The following HTR2B variants were observed in gnomAD, a reference collection of about 807,000 sequenced individuals.
HTR2B encodes the protein 5-hydroxytryptamine receptor 2B.
A neutral mutation model predicts 39.8 loss-of-function variants in HTR2B; 31 were observed. That is an observed-to-expected ratio of 0.78 (90% CI 0.58 to 1.05). HTR2B has a LOEUF of 1.05. Among genes scored for constraint, HTR2B ranks in the 50% least tolerant of loss-of-function variants. The pLI, the probability that HTR2B is intolerant of heterozygous loss-of-function variation, is 0.00. For synonymous variants in HTR2B, 210 were observed against 207.1 expected, an observed-to-expected ratio of 1.01 and a Z score of -0.12; for missense variants, 562 against 578.0, an observed-to-expected ratio of 0.97 and a Z score of 0.28.
intron 3 of HTR2B, 105 bp from the exon 4 acceptor site, chr2:231,109,514 T>C: frequency 1.0e-6 from 1 of 983,624 alleles, no homozygotes; most frequent in Non-Finnish European, 1.6e-6. Flanking sequence ...TGTTGGTGCA[T>C]TATAATTCCT....
Position 231,109,408 on chromosome 2 carries a change from G to A in HTR2B, c.555C>T (p.Gly185=). 1 of 1,613,352 alleles carries A rather than the reference G, an allele frequency of 6.2e-7. No homozygotes were observed. Among genetic ancestry groups the A allele is most frequent in the Non-Finnish European group, 8.5e-7 (1 of 1,179,358 alleles). ...KITVVWLISI[G]IAIPVPIKGI... is the part of the protein sequence containing the mutation. ...CTTTAATAGGGACTGGAATGGCAAT[G>A]CCTAAGGAAGAGGAAAACAAGATAA... The change falls in exon 4 of 4, where the codon GGC becomes GGT. Residue 185 remains glycine, a splice_region_variant and synonymous_variant. Transcript: ENST00000258400.
At chr2:231,122,850 G>C (rs1045259839) in intron 2 of HTR2B, among the ~76,000 whole-genome samples, 5 of 151,988 alleles carry the variant, frequency 3.3e-5, no homozygotes, top group African/African-American at 1.2e-4. Context: ...ATTTCCTTCA[G>C]CAACTAAACA....
intron 3 of HTR2B, among the ~76,000 whole-genome samples, chr2:231,112,758 T>A (rs1224904205): frequency 6.6e-6 from 1 of 152,226 alleles, no homozygotes; most frequent in Non-Finnish European, 1.5e-5. Context: ...CTTTGAGTAT[T>A]ATAGATGAGT....
Position 231,123,467 on chromosome 2 carries a change from C to G in HTR2B, c.298G>C (p.Asp100His). 1 of 1,614,054 alleles carries G rather than the reference C, an allele frequency of 6.2e-7. No homozygotes were observed. Among genetic ancestry groups the G allele is most frequent in the Non-Finnish European group, 8.5e-7 (1 of 1,179,942 alleles). ...ATCACAAACAATCCAACCAGCAAAT[C>G]AGCCACCGCCAAGGACATTAGAAAG... ...NYFLMSLAVA[D>H]LLVGLFVMPI... Residue 100 changes from aspartate (D) to histidine (H), a missense_variant, in exon 2 of 4, where the codon GAT (aspartate) becomes CAT (histidine). Physicochemically the swap from Asp to His is moderately conservative, Grantham distance 81. Coordinates refer to ENST00000258400, the MANE Select transcript of HTR2B (RefSeq NM_000867.5).
intron 2 of HTR2B, among the ~76,000 whole-genome samples, chr2:231,121,162 C>A (rs1410830248): frequency 1.3e-5 from 2 of 152,240 alleles, no homozygotes; most frequent in Admixed American, 6.5e-5. Context: ...AATCTACAAA[C>A]CCCACTATAC....
At chr2:231,117,477 T>C (rs1695382003) in intron 2 of HTR2B, among the ~76,000 whole-genome samples, 1 of 152,118 alleles carries the variant, frequency 6.6e-6, no homozygotes, top group Admixed American at 6.5e-5. Context: ...TAATAGCATT[T>C]CTGTCAATGC....
intron 3 of HTR2B, 50 bp downstream of exon 3, chr2:231,113,679 T>C (rs1251768894): frequency 3.9e-6 from 6 of 1,540,864 alleles, no homozygotes; most frequent in Non-Finnish European, 5.4e-6. Context: ...CCTAGCCAAG[T>C]GGAACCAAAG....
intron 3 of HTR2B, among the ~76,000 whole-genome samples, chr2:231,110,313 C>G (rs530683028): frequency 1.3e-5 from 2 of 152,140 alleles, no homozygotes; most frequent in South Asian, 4.1e-4. Flanking sequence ...AAGTAAGACT[C>G]TGTCTCAAAA....
chr2:231,125,012 C>G lies in HTR2B; in HGVS notation c.-407G>C, dbSNP rs1463876761. 6.6e-6 allele frequency: 1 copy of G among 152,108 alleles called. No individual in the cohort carries two copies. The highest frequency in any genetic ancestry group is 1.5e-5 in the Non-Finnish European group (1 of 68,020). The allele number at this position is 152,108 out of a possible 1,614,324, so 9.4% of individuals were successfully genotyped here. ...TATTTTGCTGAGCATGTCATCTTATCTGTTCACTAGACTTGCTTGCTGCTG... is the reference window on the plus strand; with the variant it reads ...TATTTTGCTGAGCATGTCATCTTATGTGTTCACTAGACTTGCTTGCTGCTG... On this transcript the variant is annotated 5_prime_UTR_variant, in exon 1 of 4. Transcript: ENST00000258400.
chr2:231,121,968 G>A (rs1240218684), intron 2 of HTR2B, among the ~76,000 whole-genome samples: 1 of 134,352 alleles, frequency 7.4e-6, no homozygotes. Flanking sequence ...TCATATGCCT[G>A]TACAGTATTT....
At chr2:231,113,987 TAC>T in intron 2 of HTR2B, 58 bp from the exon 3 acceptor site, 1 of 1,412,360 alleles carries the variant, frequency 7.1e-7, no homozygotes, top group South Asian at 1.2e-5. Context: ...ACTTTCAGTC[TAC>T]AGTTTTTCAG....
intron 3 of HTR2B, among the ~76,000 whole-genome samples, chr2:231,110,394 G>T (rs534610360): frequency 1.3e-5 from 2 of 152,242 alleles, no homozygotes; most frequent in African/African-American, 4.8e-5. Context: ...ATACCATGAA[G>T]TATTTAAATA....
intron 2 of HTR2B, among the ~76,000 whole-genome samples, chr2:231,118,497 A>T (rs1034481311): frequency 2.6e-5 from 4 of 152,170 alleles, no homozygotes; most frequent in Admixed American, 1.3e-4. Context: ...ACTAACGTTG[A>T]ATTTTAACTG....
Position 231,113,877 on chromosome 2 carries a change from G to A in HTR2B, c.405C>T (p.Asp135=), listed in dbSNP as rs757281938. Reference sequence around the variant, plus strand: ...TGATGGATGCGGTTGAAAAGAGAACGTCAAGAAATAACCAGGCAGGACATA... The same window carrying A: ...TGATGGATGCGGTTGAAAAGAGAACATCAAGAAATAACCAGGCAGGACATA... ...LVLCPAWLFL[D]VLFSTASIMH... Residue 135 remains aspartate, a synonymous_variant, in exon 3 of 4, where the codon GAC becomes GAT. Coordinates refer to ENST00000258400, the MANE Select transcript of HTR2B (RefSeq NM_000867.5). The A allele has an allele frequency of 9.9e-6, 16 of 1,614,018 alleles. No homozygotes were observed. Among genetic ancestry groups the A allele is most frequent in the Middle Eastern group, 3.3e-4 (2 of 6,082 alleles).
intron 2 of HTR2B, among the ~76,000 whole-genome samples, chr2:231,114,555 T>G (rs1212468089): frequency 1.3e-5 from 2 of 152,212 alleles, no homozygotes; most frequent in African/African-American, 4.8e-5. Context: ...TTGTTTCCCC[T>G]TCTATATTTC....
Position 231,122,610 on chromosome 2 carries a change from G to A in HTR2B, c.352+803C>T, listed in dbSNP as rs150209823. Among the ~76,000 whole-genome samples the A allele has an allele frequency of 6.5e-3, 988 of 152,132 alleles. 9 individuals are homozygous for A. The highest frequency in any genetic ancestry group is 0.023 in the African/African-American group (938 of 41,504). On this transcript the variant is annotated intron_variant, in intron 2 of 3. Coordinates refer to ENST00000258400, the MANE Select transcript of HTR2B (RefSeq NM_000867.5). The stretch of plus-strand genomic sequence containing the variant: ...ATAATTCATCAGCAGAATTATTTGT[G>A]TTTATCCAAATTTTATAACTAGAGA...
At position 231,123,722 on chromosome 2, in the gene HTR2B, G is replaced by C; in HGVS notation, c.43C>G (p.Pro15Ala). The C allele has an allele frequency of 2.5e-6, 4 of 1,614,022 alleles. No individual in the cohort carries two copies. Among genetic ancestry groups the C allele is most frequent in the Non-Finnish European group, 3.4e-6 (4 of 1,179,922 alleles). Residue 15 changes from proline to alanine, a missense_variant, in exon 2 of 4, where the codon CCT becomes GCT. Transcript: ENST00000258400. ...YRVSELQSTI[P>A]EHILQSTFVH... ...AAGGTGCTCTGCAAAATGTGCTCAGGAATTGTGCTTTGAAGTTCAGACACT... is the reference window on the plus strand; with the variant it reads ...AAGGTGCTCTGCAAAATGTGCTCAGCAATTGTGCTTTGAAGTTCAGACACT...
intron 3 of HTR2B, among the ~76,000 whole-genome samples, chr2:231,110,867 A>G (rs1036025070): frequency 6.6e-6 from 1 of 152,218 alleles, no homozygotes; most frequent in Admixed American, 6.5e-5. Context: ...CAGAAACCAT[A>G]TACGCCCTGC....
In HTR2B at chr2:231,108,350, A is replaced by T; in HGVS notation, c.*167T>A. ...TATAAAATTATTTTCCTCATGGAAT[A>T]ATCTTGTCCAAATTAGGAAAATTAG... On this transcript the variant is annotated 3_prime_UTR_variant, in exon 4 of 4. Transcript: ENST00000258400. The T allele has an allele frequency of 3.4e-6, 2 of 594,714 alleles. No homozygotes were observed. Among genetic ancestry groups the T allele is most frequent in the Non-Finnish European group, 5.9e-6 (2 of 341,594 alleles). The allele number at this position is 594,714 out of a possible 1,614,324, so 36.8% of individuals were successfully genotyped here.
Sources: allele counts gnomAD v4.1 joint callset (sites outside exome capture counted in the v4.1 genomes callset), GRCh38; gene constraint gnomAD v4.1.1; transcripts MANE v1.5; gene names NCBI Gene and HGNC (gene_info 2026-07-23, HGNC 2026-07-21).